Variants in ZEB1 observed in about 807,000 individuals in gnomAD.
ZEB1 encodes zinc finger E-box binding homeobox 1, also known as zinc finger E-box-binding homeobox 1.
In ZEB1, 21 loss-of-function variants were observed where a neutral mutation model predicts 84.9. The observed-to-expected ratio is 0.25, with a 90% CI of 0.18 to 0.36. The LOEUF is 0.36. ZEB1 is among the 10% of genes least tolerant of loss of function. The pLI, the probability that ZEB1 is intolerant of heterozygous loss-of-function variation, is 1.00. For missense variants in ZEB1, 1,104 were observed against 1,330.2 expected (o/e 0.83, Z 2.65); for synonymous variants, 420 against 471.1 (o/e 0.89, Z 1.41).
chr10:31,366,599 A>G (rs2044546326), intron 1 of ZEB1, among the ~76,000 whole-genome samples: 2 of 152,336 alleles, frequency 1.3e-5, no homozygotes, highest in South Asian at 4.1e-4. Context: ...GAATAAAACC[A>G]TCCTTTCCAG....
intron 1 of ZEB1, among the ~76,000 whole-genome samples, chr10:31,325,873 C>T (rs1475985035): frequency 6.6e-6 from 1 of 151,340 alleles, no homozygotes; most frequent in Non-Finnish European, 1.5e-5. Flanking sequence ...TGTTACTATT[C>T]ATGCTCACGG....
chr10:31,514,484 T>C (rs1295834241), intron 5 of ZEB1, 119 bp from the exon 6 acceptor site: 2 of 887,356 alleles, frequency 2.3e-6, no homozygotes, highest in Non-Finnish European at 3.5e-6. Context: ...TTTGAGGTCT[T>C]TAAGAAACAA....
At chr10:31,363,914 C>G in intron 1 of ZEB1, 1 of 1,312,408 alleles carries the variant, frequency 7.6e-7, no homozygotes, top group Non-Finnish European at 9.8e-7. Context: ...ATTCCCCGGG[C>G]AGGCACAGGT....
intron 2 of ZEB1, among the ~76,000 whole-genome samples, chr10:31,462,239 A>G (rs2061903986): frequency 6.6e-6 from 1 of 152,214 alleles, no homozygotes; most frequent in South Asian, 2.1e-4. Flanking sequence ...TTTCTACAAT[A>G]TGACAAATCT....
chr10:31,399,390 C>T (rs1229165686), intron 1 of ZEB1, among the ~76,000 whole-genome samples: 1 of 152,172 alleles, frequency 6.6e-6, no homozygotes, highest in Non-Finnish European at 1.5e-5. Flanking sequence ...TGAGTAACAG[C>T]ACCTGCTGTC....
At position 31,527,081 on chromosome 10, in the gene ZEB1, AGAG is replaced by A. The variant is rs369270839; in HGVS notation, c.3210_3212del (p.Glu1072del). ...GTGAAAAACCACAAGGGGATGAGGA[AGAG>A]GAGGAGGAGGAGGAAGAAGTGGAAG... On this transcript the variant is annotated inframe_deletion, in exon 9 of 9. Coordinates refer to ENST00000424869, the MANE Select transcript of ZEB1 (RefSeq NM_001174096.2). 4.2e-4 allele frequency: 659 copies of A among 1,579,382 alleles called. 2 individuals are homozygous for A. The highest frequency in any genetic ancestry group is 3.6e-3 in the African/African-American group (262 of 73,530).
rs11592843 is a variant in ZEB1 at position 31,333,881 on chromosome 10, A to G, written c.58+14589A>G. 8.7e-4 allele frequency among the ~76,000 whole-genome samples: 133 copies of G among 152,072 alleles called. 1 individual carries two copies. The highest frequency in any genetic ancestry group is 1.2e-3 in the Non-Finnish European group (80 of 67,922). On this transcript the variant is annotated intron_variant, in intron 1 of 8. Coordinates refer to ENST00000424869, the MANE Select transcript of ZEB1 (RefSeq NM_001174096.2). ...GATTTAAAAAGATATTCCTGACACT[A>G]CTAACCAATAGAAATGTTGTATGGC...
intron 1 of ZEB1, among the ~76,000 whole-genome samples, chr10:31,433,557 A>G (rs984292614): frequency 6.6e-6 from 1 of 152,248 alleles, no homozygotes; most frequent in Non-Finnish European, 1.5e-5. Context: ...CTACTTCGGT[A>G]GCAACTTAAT....
intron 1 of ZEB1, among the ~76,000 whole-genome samples, chr10:31,388,839 T>C (rs2049113741): frequency 2.0e-5 from 3 of 152,054 alleles, no homozygotes; most frequent in African/African-American, 7.2e-5. Context: ...GAAAACACTT[T>C]GAATTAAATC....
intron 1 of ZEB1, among the ~76,000 whole-genome samples, chr10:31,341,257 AC>A (rs1227623096): frequency 8.5e-5 from 13 of 152,066 alleles, no homozygotes; most frequent in Non-Finnish European, 2.9e-5. Context: ...GAGGGCTTAA[AC>A]TGACACTTAA....
chr10:31,384,793 T>C (rs1197836946), intron 1 of ZEB1, among the ~76,000 whole-genome samples: 1 of 152,230 alleles, frequency 6.6e-6, no homozygotes. Flanking sequence ...TCAGTTCCTC[T>C]GTCTAGGGAG....
In ZEB1 at chr10:31,511,360, C is replaced by T. The variant is rs185827219; in HGVS notation, c.687+485C>T. On this transcript the variant is annotated intron_variant, in intron 5 of 8. Coordinates refer to ENST00000424869, the MANE Select transcript of ZEB1 (RefSeq NM_001174096.2). ...TTTCCCCCGTAGTAAAGGGAGTTGCCTCCTCTAAAAATCTAAAGTTTAGAT... is the reference window on the plus strand; with the variant it reads ...TTTCCCCCGTAGTAAAGGGAGTTGCTTCCTCTAAAAATCTAAAGTTTAGAT... Among the ~76,000 whole-genome samples, 114 of 152,178 alleles carry T rather than the reference C, an allele frequency of 7.5e-4. No individual in the cohort carries two copies. The Middle Eastern group carries it at 0.01, about 14-fold the overall frequency.
intron 8 of ZEB1, among the ~76,000 whole-genome samples, chr10:31,524,348 A>AG (rs1383559110): frequency 1.3e-5 from 2 of 151,974 alleles, no homozygotes; most frequent in Non-Finnish European, 2.9e-5. Flanking sequence ...CCTCCTGAGT[A>AG]GCTGGGACTA....
chr10:31,344,440 TAATGA>T (rs1328870022), intron 1 of ZEB1, among the ~76,000 whole-genome samples: 4 of 152,114 alleles, frequency 2.6e-5, no homozygotes, highest in African/African-American at 7.2e-5. Context: ...AACTTTACAG[TAATGA>T]AATAGAAAAT....
chr10:31,379,945 A>G (rs1478537612), intron 1 of ZEB1, among the ~76,000 whole-genome samples: 4 of 152,174 alleles, frequency 2.6e-5, no homozygotes, highest in African/African-American at 7.2e-5. Context: ...TTATATAACC[A>G]CAATACCTTT....
intron 2 of ZEB1, among the ~76,000 whole-genome samples, chr10:31,480,566 T>C (rs917786591): frequency 6.6e-6 from 1 of 152,078 alleles, no homozygotes; most frequent in African/African-American, 2.4e-5. Flanking sequence ...CTGAGTGTTG[T>C]TTTATTTTTT....
In ZEB1 at chr10:31,521,258, T is replaced by A; in HGVS notation, c.1926T>A (p.Ser642=). The A allele has an allele frequency of 6.2e-7, 1 of 1,614,096 alleles. No homozygotes were observed. The highest frequency in any genetic ancestry group is 8.5e-7 in the Non-Finnish European group (1 of 1,180,016). ...AAGCTGGACAGATTTCAGTGCAGTC[T>A]TCTGAACCATCTTCTCCTGAACCAG... ...KMQAGQISVQ[S]SEPSSPEPGK... is the part of the protein sequence containing the mutation. The change falls in exon 7 of 9, where the codon TCT becomes TCA. Residue 642 remains serine (S), a synonymous_variant. Coordinates refer to ENST00000424869, the MANE Select transcript of ZEB1 (RefSeq NM_001174096.2).
chr10:31,370,563 G>A (rs2045513674), intron 1 of ZEB1, among the ~76,000 whole-genome samples: 1 of 152,188 alleles, frequency 6.6e-6, no homozygotes, highest in Admixed American at 6.5e-5. Context: ...TATAAAAAGA[G>A]AAGTGTAAAA....
At chr10:31,382,204 GC>G (rs2047819109) in intron 1 of ZEB1, among the ~76,000 whole-genome samples, 1 of 151,810 alleles carries the variant, frequency 6.6e-6, no homozygotes, top group African/African-American at 2.4e-5. Context: ...TGTGAAACCA[GC>G]CCCTTTACTA....
Sources: allele counts gnomAD v4.1 joint callset (sites outside exome capture counted in the v4.1 genomes callset), GRCh38; gene constraint gnomAD v4.1.1; transcripts MANE v1.5; gene names NCBI Gene and HGNC (gene_info 2026-07-23, HGNC 2026-07-21).